Variants in CALN1 observed in about 807,000 individuals in gnomAD.
CALN1 encodes calcium-binding protein 8.
CALN1 carries 17 observed loss-of-function variants against 30.6 expected under a neutral mutation model. The ratio of observed to expected loss-of-function variants is 0.56; its 90% confidence interval spans 0.38 to 0.83. The LOEUF (loss-of-function observed/expected upper bound fraction) is 0.83, where lower values mean the gene tolerates loss of function less well. Ranked by LOEUF, CALN1 falls within the 40% of genes least tolerant of loss-of-function variation. The pLI is 0.00. For missense variants in CALN1, 291 were observed against 354.9 expected (o/e 0.82, Z 1.45); for synonymous variants, 156 against 131.4 (o/e 1.19, Z -1.28).
chr7:72,136,375 T>C (rs1809513652), intron 3 of CALN1, among the ~76,000 whole-genome samples: 1 of 152,114 alleles, frequency 6.6e-6, no homozygotes, highest in African/African-American at 2.4e-5. Context: ...TTCTGCAGCT[T>C]CCTTTCCTCT....
At chr7:72,403,800 G>T (rs1806517838) in intron 1 of CALN1, among the ~76,000 whole-genome samples, 1 of 152,168 alleles carries the variant, frequency 6.6e-6, no homozygotes, top group Non-Finnish European at 1.5e-5. Context: ...AAAACATCTT[G>T]CCAGCATCAT....
chr7:72,437,763 CTTCT>C lies in CALN1; in HGVS notation c.-226+9275_-226+9278del, dbSNP rs1033596438. Among the ~76,000 whole-genome samples the C allele has an allele frequency of 9.3e-5, 12 of 128,772 alleles. 1 individual carries two copies. The highest frequency in any genetic ancestry group is 1.5e-4 in the African/African-American group (5 of 34,094). The allele number at this position is 128,772 out of a possible 152,430, so 84.5% of individuals were successfully genotyped here. A position where few individuals can be genotyped will look rare whatever the true frequency, so the allele number is the denominator to read the frequency against. ...CACCCTTCCTTCCTTTCTTTCCTTCCTTCTTTCTTTCCTTCCTCCCTTCCTTCCT... is the reference window on the plus strand; with the variant it reads ...CACCCTTCCTTCCTTTCTTTCCTTCCTTCTTTCCTTCCTCCCTTCCTTCCT... On this transcript the variant is annotated intron_variant, in intron 1 of 6. Transcript: ENST00000395276.
chr7:72,268,205 G>C (rs1001476030), intron 3 of CALN1, among the ~76,000 whole-genome samples: 1 of 152,140 alleles, frequency 6.6e-6, no homozygotes, highest in African/African-American at 2.4e-5. Context: ...GAATGAATAG[G>C]TAGGGATTTC....
chr7:72,236,472 G>A (rs546211729), intron 3 of CALN1, among the ~76,000 whole-genome samples: 30 of 152,256 alleles, frequency 2.0e-4, no homozygotes, highest in African/African-American at 6.7e-4. Context: ...ATATATGTTC[G>A]TTAAACCAGG....
intron 5 of CALN1, among the ~76,000 whole-genome samples, chr7:71,875,243 G>C (rs920657838): frequency 6.6e-6 from 1 of 151,656 alleles, no homozygotes; most frequent in Non-Finnish European, 1.5e-5. Flanking sequence ...TCAGCAGATG[G>C]GCAAATGCAA....
At chr7:72,448,772 AT>A (rs1489547504), upstream of CALN1, among the ~76,000 whole-genome samples, 2 of 151,714 alleles carry the variant, frequency 1.3e-5, no homozygotes, top group East Asian at 1.9e-4. Flanking sequence ...TGCCCGGATA[AT>A]TTTTTGTATT....
the CALN1 span, among the ~76,000 whole-genome samples, chr7:72,463,341 G>A: frequency 2.0e-5 from 3 of 152,138 alleles, no homozygotes; most frequent in Admixed American, 2.0e-4. Context: ...TAGTACAGAT[G>A]GGGTTTCACC....
At chr7:72,007,640 C>T (rs1221680699) in intron 5 of CALN1, among the ~76,000 whole-genome samples, 2 of 152,180 alleles carry the variant, frequency 1.3e-5, no homozygotes, top group Non-Finnish European at 2.9e-5. Context: ...TCTCCTACCC[C>T]TTACACTAAA....
At position 71,962,395 on chromosome 7, in the gene CALN1, C is replaced by T. The variant is rs148865651; in HGVS notation, c.501+61262G>A. ...TGCAGCCTGGGTGAAAGAGAGAGAC[C>T]CAGCCTCCAATAAATTAATTAATGT... On this transcript the variant is annotated intron_variant, in intron 5 of 6. Transcript: ENST00000395275. Among the ~76,000 whole-genome samples, 1,051 of 152,096 alleles carry T rather than the reference C, an allele frequency of 6.9e-3. 7 individuals carry two copies. The highest frequency in any genetic ancestry group is 0.023 in the African/African-American group (943 of 41,496).
At chr7:72,332,584 T>C (rs186940713) in intron 2 of CALN1, among the ~76,000 whole-genome samples, 18 of 152,172 alleles carry the variant, frequency 1.2e-4, no homozygotes, top group Admixed American at 8.5e-4. Flanking sequence ...TTTACTTCCA[T>C]AGCATCCCCT....
intron 3 of CALN1, among the ~76,000 whole-genome samples, chr7:72,229,910 A>G (rs1327891310): frequency 6.6e-6 from 1 of 151,910 alleles, no homozygotes; most frequent in Non-Finnish European, 1.5e-5. Context: ...TGGGAGGCTG[A>G]GCCGCGCGGA....
intron 5 of CALN1, among the ~76,000 whole-genome samples, chr7:71,932,100 A>C (rs1370036216): frequency 1.3e-5 from 2 of 152,182 alleles, no homozygotes; most frequent in Non-Finnish European, 2.9e-5. Flanking sequence ...GCCGCCTTGG[A>C]GTCCCAGGTT....
intron 1 of CALN1, among the ~76,000 whole-genome samples, chr7:72,420,380 G>A (rs965029256): frequency 3.3e-5 from 5 of 151,850 alleles, no homozygotes; most frequent in Non-Finnish European, 7.4e-5. Flanking sequence ...CCCAAACAGG[G>A]GCAGATTTTG....
chr7:71,975,712 G>T, intron 5 of CALN1, among the ~76,000 whole-genome samples: 1 of 151,808 alleles, frequency 6.6e-6, no homozygotes, highest in African/African-American at 2.4e-5. Flanking sequence ...TGATAGGTGT[G>T]AGCCACCACA....
Position 72,160,509 on chromosome 7 carries a change from C to A in CALN1, c.245-54215G>T, listed in dbSNP as rs1788028812. On this transcript the variant is annotated intron_variant, in intron 3 of 6. Coordinates refer to ENST00000395275, the MANE Select transcript of CALN1 (RefSeq NM_031468.4). ...GGCCAGGCTGGTCTCAAACTCTTGA[C>A]CTCAAGTGATCTGCCCACCTCGACC... Among the ~76,000 whole-genome samples, 5 of 152,114 alleles carry A rather than the reference C, an allele frequency of 3.3e-5. No homozygotes were observed. In the South Asian group the frequency reaches 1.0e-3, roughly 32 times the overall value.
chr7:72,098,955 C>T (rs978886179), intron 4 of CALN1, among the ~76,000 whole-genome samples: 22 of 152,128 alleles, frequency 1.4e-4, no homozygotes, highest in African/African-American at 4.3e-4. Context: ...GATGACTGTT[C>T]CATGTGTAGC....
intron 2 of CALN1, among the ~76,000 whole-genome samples, chr7:72,301,761 T>A (rs902128463): frequency 6.6e-6 from 1 of 152,052 alleles, no homozygotes; most frequent in Non-Finnish European, 1.5e-5. Context: ...AGCCTACTGG[T>A]CAACATGCCC....
At chr7:72,139,956 G>A (rs548533013) in intron 3 of CALN1, among the ~76,000 whole-genome samples, 53 of 152,200 alleles carry the variant, frequency 3.5e-4, no homozygotes, top group African/African-American at 9.1e-4. Context: ...CTGTAATCTC[G>A]TTGGAATATT....
chr7:72,251,758 G>A (rs1465022480), intron 3 of CALN1, among the ~76,000 whole-genome samples: 2 of 152,068 alleles, frequency 1.3e-5, no homozygotes, highest in African/African-American at 4.8e-5. Context: ...GTGAGTTGTG[G>A]TGATGGAAAG....
Sources: gnomAD v4.1 joint callset for allele counts (sites outside exome capture counted in the v4.1 genomes callset) on GRCh38, gnomAD v4.1.1 for gene constraint, MANE v1.5 for transcripts, NCBI Gene and HGNC (gene_info 2026-07-23, HGNC 2026-07-21) for gene names.